MYH6: variants seen among roughly 807,000 people sequenced by gnomAD.
MYH6 encodes the protein myosin heavy chain 6, also known as myosin-6.
MYH6 carries 126 observed loss-of-function variants against 223.2 expected under a neutral mutation model. That is an observed-to-expected ratio of 0.56 (90% CI 0.49 to 0.65). The LOEUF is 0.65. MYH6 is among the 30% of genes least tolerant of loss of function. The probability of loss-of-function intolerance (pLI) is 0.00; values close to 1 mark genes in which losing one functional copy is unlikely to be tolerated. For missense variants in MYH6, 2,040 were observed against 2,536.4 expected, an observed-to-expected ratio of 0.80 and a Z score of 4.20; for synonymous variants, 978 against 1,010.2, an observed-to-expected ratio of 0.97 and a Z score of 0.61.
At position 23,407,328 on chromosome 14, in the gene MYH6, G is replaced by A. The variant is rs551266509; in HGVS notation, c.-13-92C>T. ...CTCTGCAGCCCCCCTCCCTACCCCCGCTCCTCTCCTCCACCCTGGGAGAGG... is the reference window on the plus strand; with the variant it reads ...CTCTGCAGCCCCCCTCCCTACCCCCACTCCTCTCCTCCACCCTGGGAGAGG... On this transcript the variant is annotated intron_variant, in intron 2 of 38. Coordinates refer to ENST00000405093, the MANE Select transcript of MYH6 (RefSeq NM_002471.4). The surrounding 1 kb of genome is among the most constrained non-coding windows in gnomAD (Gnocchi z 5.6). The A allele has an allele frequency of 1.4e-4, 208 of 1,446,604 alleles. No homozygotes were observed. In the African/African-American group the frequency reaches 1.8e-3, roughly 12 times the overall value. The allele number at this position is 1,446,604 out of a possible 1,614,324, so 89.6% of individuals were successfully genotyped here. A position where few individuals can be genotyped will look rare whatever the true frequency, so the allele number is the denominator to read the frequency against.
rs780744883 is a variant in MYH6, at chr14:23,383,449, G to T, written c.5566-129C>A. ...TCCCTGCAATGATCCAGGTCAAAGA[G>T]GTGGTGGGGAAGATTCTCTGACTCT... On this transcript the variant is annotated intron_variant, in intron 36 of 38. Transcript: ENST00000405093. 5.4e-6 allele frequency: 4 copies of T among 737,352 alleles called. No individual in the cohort carries two copies. The African/African-American group carries it at 7.0e-5, about 13-fold the overall frequency. 45.7% of individuals were successfully genotyped at this position (737,352 alleles called of 1,614,324 possible).
In MYH6 at chr14:23,402,738, C is replaced by T. The variant is rs753937010; in HGVS notation, c.961G>A (p.Val321Met). Residue 321 changes from valine (V) to methionine (M), a missense_variant, in exon 11 of 39, where the codon GTG (valine) becomes ATG (methionine). This residue lies in a region of MYH6 where 649 missense variants were observed against 877.3 expected (regional missense o/e 0.74). Transcript: ENST00000405093. Reference sequence around the variant, plus strand: ...TCCTCGGAGTCATCAATGGAGGCCACGGACACCTCTCCCTGAGACACGAAG... The same window carrying T: ...TCCTCGGAGTCATCAATGGAGGCCATGGACACCTCTCCCTGAGACACGAAG... ...YAFVSQGEVSVASIDDSEELM... is the reference protein window; with the variant it reads ...YAFVSQGEVSMASIDDSEELM... 20 of 1,613,632 alleles carry T rather than the reference C, an allele frequency of 1.2e-5. No homozygotes were observed. The highest frequency in any genetic ancestry group is 1.7e-5 in the Admixed American group (1 of 59,976).
At position 23,383,339 on chromosome 14, in the gene MYH6, G is replaced by GGC; in HGVS notation, c.5566-20_5566-19insGC. 1.8e-5 allele frequency: 2 copies of GGC among 108,202 alleles called. No homozygotes were observed. The highest frequency in any genetic ancestry group is 3.7e-5 in the Non-Finnish European group (2 of 54,384). 6.7% of individuals were successfully genotyped at this position (108,202 alleles called of 1,614,324 possible). A position where few individuals can be genotyped will look rare whatever the true frequency, so the allele number is the denominator to read the frequency against. On this transcript the variant is annotated intron_variant, in intron 36 of 38. Coordinates refer to ENST00000405093, the MANE Select transcript of MYH6 (RefSeq NM_002471.4). ...CCTCTGTCTGGGGGTGGGAGGGTGG[G>GGC]AGAAGCTGGTTTGGAGGGGGAGCAA... is the stretch of plus-strand genomic sequence containing the variant.
At position 23,397,067 on chromosome 14, in the gene MYH6, G is replaced by T. The variant is rs769708956; in HGVS notation, c.2064C>A (p.Asn688Lys). 17 of 1,614,126 alleles carry T rather than the reference G, an allele frequency of 1.1e-5. No individual in the cohort carries two copies. Among genetic ancestry groups the T allele is most frequent in the South Asian group, 6.6e-5 (6 of 91,090 alleles). Residue 688 changes from asparagine to lysine, a missense_variant, in exon 18 of 39, where the codon AAC becomes AAA. By Grantham distance (94) the Asn-to-Lys change is moderately conservative. Transcript: ENST00000405093. Reference protein sequence around the residue: ...NERKAPGVMDNPLVMHQLRCN... With the variant: ...NERKAPGVMDKPLVMHQLRCN... ...AGCGCAGCTGGTGCATGACCAGGGG[G>T]TTGTCCATCACCCCTGTGTCAGGAG...
intron 19 of MYH6, 62 bp downstream of exon 19, chr14:23,396,632 C>A: frequency 6.2e-7 from 1 of 1,613,652 alleles, no homozygotes; most frequent in Non-Finnish European, 8.5e-7. Context: ...TCCTAAACTC[C>A]TCTCTGCTCC....
At position 23,383,339 on chromosome 14, in the gene MYH6, G is replaced by GGGGGGGGGGCCCCCCCCCCCCCCC; in HGVS notation, c.5566-20_5566-19insGGGGGGGGGGGGGGGCCCCCCCCC. 9.2e-6 allele frequency: 1 copy of GGGGGGGGGGCCCCCCCCCCCCCCC among 108,196 alleles called. No individual in the cohort carries two copies. The highest frequency in any genetic ancestry group is 1.8e-5 in the Non-Finnish European group (1 of 54,378). 6.7% of individuals were successfully genotyped at this position (108,196 alleles called of 1,614,324 possible). Reference sequence around the variant, plus strand: ...CCTCTGTCTGGGGGTGGGAGGGTGGGAGAAGCTGGTTTGGAGGGGGAGCAA... The same window carrying GGGGGGGGGGCCCCCCCCCCCCCCC: ...CCTCTGTCTGGGGGTGGGAGGGTGGGGGGGGGGGGCCCCCCCCCCCCCCCAGAAGCTGGTTTGGAGGGGGAGCAA... On this transcript the variant is annotated intron_variant, in intron 36 of 38. Transcript: ENST00000405093.
rs376196688 is a variant in MYH6 at position 23,405,050 on chromosome 14, G to A, written c.530+50C>T. 8.7e-6 allele frequency: 14 copies of A among 1,613,276 alleles called. No homozygotes were observed. The highest frequency in any genetic ancestry group is 4.0e-5 in the African/African-American group (3 of 74,898). ...TCCCAACTACACCCTAGGCATCAGC[G>A]TGTATGCCCCCAGCCCAGTCCCTTC... is the stretch of plus-strand genomic sequence containing the variant. On this transcript the variant is annotated intron_variant, in intron 6 of 38. Coordinates refer to ENST00000405093, the MANE Select transcript of MYH6 (RefSeq NM_002471.4). The surrounding 1 kb of genome is among the most constrained non-coding windows in gnomAD (Gnocchi z 4.7).
rs774702449 is a variant in MYH6, at chr14:23,389,594, A to T, written c.3858T>A (p.Asn1286Lys). 6.2e-7 allele frequency: 1 copy of T among 1,614,122 alleles called. No homozygotes were observed. Among genetic ancestry groups the T allele is most frequent in the South Asian group, 1.1e-5 (1 of 91,068 alleles). ...TTQRAKLQTE[N>K]GELARQLEEK... ...AGGGGGTTGGTTAGGGGCACCCACC[A>T]TTCTCGGTCTGCAGCTTGGCTCGCT... is the stretch of plus-strand genomic sequence containing the variant. Residue 1286 changes from asparagine (N) to lysine (K), a missense_variant and splice_region_variant, in exon 27 of 39, where the codon AAT becomes AAA. Physicochemically the swap from Asn to Lys is moderately conservative, Grantham distance 94. This residue lies in a region of MYH6 where 1,203 missense variants were observed against 1,400.2 expected (regional missense o/e 0.86). Coordinates refer to ENST00000405093, the MANE Select transcript of MYH6 (RefSeq NM_002471.4).
Position 23,405,487 on chromosome 14 carries a change from T to A in MYH6, c.346-108A>T. On this transcript the variant is annotated intron_variant, in intron 4 of 38. Coordinates refer to ENST00000405093, the MANE Select transcript of MYH6 (RefSeq NM_002471.4). The surrounding 1 kb of genome is among the most constrained non-coding windows in gnomAD (Gnocchi z 4.7). ...TCACTCCAGCTGGCTCTACTCCTCC[T>A]GCAGCTGACTAGGGGTGGAGGGGGG... 3.1e-6 allele frequency: 5 copies of A among 1,597,724 alleles called. No individual in the cohort carries two copies. The highest frequency in any genetic ancestry group is 4.3e-6 in the Non-Finnish European group (5 of 1,167,344).
At chr14:23,392,510 T>G in intron 25 of MYH6, 52 bp downstream of exon 25, 1 of 1,328,460 alleles carries the variant, frequency 7.5e-7, no homozygotes, top group Non-Finnish European at 1.1e-6. Flanking sequence ...GCAGCCTCAG[T>G]TACCTCAGGG....
intron 34 of MYH6, 71 bp downstream of exon 34, chr14:23,385,857 A>G: frequency 6.2e-7 from 1 of 1,608,804 alleles, no homozygotes; most frequent in Non-Finnish European, 8.5e-7. Context: ...CACTTAGAAC[A>G]TCTGGCTTTT....
At position 23,387,607 on chromosome 14, in the gene MYH6, A is replaced by T. The variant is rs558533091; in HGVS notation, c.4572T>A (p.Asn1524Lys). ...TGCGGACCTTCTCCAGCTCATGCACATTCTTTCCTCCTTCTCCTAGCTGCT... is the reference window on the plus strand; with the variant it reads ...TGCGGACCTTCTCCAGCTCATGCACTTTCTTTCCTCCTTCTCCTAGCTGCT... ...LTEQLGEGGKNVHELEKVRKQ... is the reference protein window; with the variant it reads ...LTEQLGEGGKKVHELEKVRKQ... The change falls in exon 32 of 39, where the codon AAT (asparagine) becomes AAA (lysine). Residue 1524 changes from asparagine (N) to lysine (K), a missense_variant. Transcript: ENST00000405093. 1 of 1,613,902 alleles carries T rather than the reference A, an allele frequency of 6.2e-7. No individual in the cohort carries two copies. The highest frequency in any genetic ancestry group is 1.3e-5 in the African/African-American group (1 of 74,942).
In MYH6 at chr14:23,390,339, C is replaced by T. The variant is rs775336400; in HGVS notation, c.3450G>A (p.Glu1150=). ...DLSRELEEIS[E]RLEEAGGATS... ...TGGCCCCGCCGGCCTCTTCCAGCCG[C>T]TCGCTGATCTCCTCCAGCTCCCGAG... The change falls in exon 26 of 39, where the codon GAG becomes GAA. Residue 1150 remains glutamate, a synonymous_variant. Transcript: ENST00000405093. 1.9e-6 allele frequency: 3 copies of T among 1,608,574 alleles called. No individual in the cohort carries two copies. Among genetic ancestry groups the T allele is most frequent in the South Asian group, 1.1e-5 (1 of 90,908 alleles).
chr14:23,388,042 G>T, intron 30 of MYH6, 113 bp downstream of exon 30: 1 of 1,607,280 alleles, frequency 6.2e-7, no homozygotes, highest in Non-Finnish European at 8.5e-7. Flanking sequence ...CTGGTCCCGA[G>T]CCTGGGCTTA....
rs751848842 is a variant in MYH6 at position 23,386,000 on chromosome 14, T to G, written c.5091A>C (p.Thr1697=). 2 of 1,614,108 alleles carry G rather than the reference T, an allele frequency of 1.2e-6. No homozygotes were observed. Among genetic ancestry groups the G allele is most frequent in the Non-Finnish European group, 1.7e-6 (2 of 1,180,048 alleles). ...GCTCCGCCAGCTTCCGGGACCGCTC[T>G]GTCTGCTCCACCACGGCACGCAGCT... ...LEELRAVVEQ[T]ERSRKLAEQE... Residue 1697 remains threonine (T), a synonymous_variant, in exon 34 of 39, where the codon ACA becomes ACC. Coordinates refer to ENST00000405093, the MANE Select transcript of MYH6 (RefSeq NM_002471.4).
At chr14:23,384,368 C>G (rs1375161091) in intron 36 of MYH6, 74 bp downstream of exon 36, 1 of 1,597,134 alleles carries the variant, frequency 6.3e-7, no homozygotes, top group East Asian at 2.2e-5. Flanking sequence ...GTGAGAGGAG[C>G]CCTGTGAGGG....
intron 12 of MYH6, among the ~76,000 whole-genome samples, chr14:23,401,903 T>G (rs1374989999): frequency 1.3e-5 from 2 of 152,258 alleles, no homozygotes; most frequent in African/African-American, 4.8e-5. Flanking sequence ...CTTGACACTT[T>G]GATCTGGGCA....
chr14:23,402,472 C>A lies in MYH6; in HGVS notation c.1133G>T (p.Gly378Val). 2 of 1,613,178 alleles carry A rather than the reference C, an allele frequency of 1.2e-6. No individual in the cohort carries two copies. Among genetic ancestry groups the A allele is most frequent in the Non-Finnish European group, 1.7e-6 (2 of 1,179,964 alleles). Residue 378 changes from glycine (G) to valine (V), a missense_variant, in exon 12 of 39, where the codon GGC becomes GTC. Around this residue, in one of 4 missense-constraint regions of MYH6, gnomAD observed 649 missense variants for 877.3 expected, o/e 0.74. Coordinates refer to ENST00000405093, the MANE Select transcript of MYH6 (RefSeq NM_002471.4). ...CTGCCTGCCCCTCCCACCTTCGGTG[C>A]CGTCTGGCTCCGCCTGCTCCTCCCG... The part of the protein sequence containing the change: ...KQREEQAEPD[G>V]TEDADKSAYL...
At chr14:23,398,626 C>T in intron 15 of MYH6, 102 bp downstream of exon 15, 1 of 1,398,974 alleles carries the variant, frequency 7.1e-7, no homozygotes, top group Non-Finnish European at 1.0e-6. Flanking sequence ...CTCATGGGCT[C>T]CCCTGTGCCT....
Sources: allele counts gnomAD v4.1 joint callset (sites outside exome capture counted in the v4.1 genomes callset), GRCh38; gene constraint gnomAD v4.1.1; regional missense constraint gnomAD v4.1.1; non-coding constraint Gnocchi (gnomAD v3.1); transcripts MANE v1.5; gene names NCBI Gene and HGNC (gene_info 2026-07-23, HGNC 2026-07-21).